Variants in ACTR3C observed in about 807,000 individuals in gnomAD.
The protein encoded by ACTR3C is actin related protein 3C.
ACTR3C carries 18 observed loss-of-function variants against 26.3 expected under a neutral mutation model. The ratio of observed to expected loss-of-function variants is 0.68; its 90% CI spans 0.47 to 1.01. The LOEUF (loss-of-function observed/expected upper bound fraction) is 1.01, where lower values mean the gene tolerates loss of function less well. Among genes scored for constraint, ACTR3C ranks in the 50% least tolerant of loss-of-function variants. The pLI, the probability that ACTR3C is intolerant of heterozygous loss-of-function variation, is 0.00. For missense variants in ACTR3C, 184 were observed against 250.7 expected (o/e 0.73, Z 1.80); for synonymous variants, 55 against 94.5 (o/e 0.58, Z 2.42).
At chr7:149,912,504 ATT>A in the ACTR3C span, among the ~76,000 whole-genome samples, 94 of 139,676 alleles carry the variant, frequency 6.7e-4, 1 homozygote, top group East Asian at 3.1e-3. Flanking sequence ...AGATATATTA[ATT>A]TTTTTTTTTT....
chr7:150,160,864 A>G, the ACTR3C span, among the ~76,000 whole-genome samples: 1 of 149,208 alleles, frequency 6.7e-6, no homozygotes, highest in South Asian at 2.2e-4. Context: ...TTATACATTA[A>G]TTACAGGAGT....
At chr7:149,906,482 A>T in the ACTR3C span, among the ~76,000 whole-genome samples, 37 of 123,038 alleles carry the variant, frequency 3.0e-4, no homozygotes, top group Admixed American at 3.9e-3. Flanking sequence ...CCCAGGCTGG[A>T]GTGCAGTGGT....
the ACTR3C span, among the ~76,000 whole-genome samples, chr7:150,231,047 ATCT>A: frequency 4.5e-4 from 69 of 151,750 alleles, no homozygotes; most frequent in Non-Finnish European, 3.2e-4. Context: ...TCAATTTTGG[ATCT>A]TCTTCTCTTA....
At chr7:150,116,637 A>G in the ACTR3C span, among the ~76,000 whole-genome samples, 4 of 152,210 alleles carry the variant, frequency 2.6e-5, no homozygotes, top group African/African-American at 9.6e-5. Flanking sequence ...ATTGTTTCTA[A>G]TCCTGGGATA....
chr7:150,165,040 T>C, the ACTR3C span, among the ~76,000 whole-genome samples: 2 of 152,210 alleles, frequency 1.3e-5, no homozygotes, highest in African/African-American at 4.8e-5. Context: ...TTAGGCAACG[T>C]GCAGAAATGG....
chr7:149,931,423 T>C, the ACTR3C span, among the ~76,000 whole-genome samples: 1 of 152,124 alleles, frequency 6.6e-6, no homozygotes, highest in Non-Finnish European at 1.5e-5. Flanking sequence ...CACTCTCTCA[T>C]CCTCTGAGAA....
the ACTR3C span, among the ~76,000 whole-genome samples, chr7:150,014,658 C>T: frequency 6.6e-6 from 1 of 151,748 alleles, no homozygotes; most frequent in Non-Finnish European, 1.5e-5. Flanking sequence ...CTGCCTCTGA[C>T]AGTGGAGGAA....
intron 1 of ACTR3C, among the ~76,000 whole-genome samples, chr7:150,305,482 C>T (rs1795740199): frequency 6.6e-6 from 1 of 152,184 alleles, no homozygotes; most frequent in African/African-American, 2.4e-5. Context: ...GCTGCCTGAC[C>T]TCCTCTCTCC....
At chr7:149,904,675 G>C in the ACTR3C span, among the ~76,000 whole-genome samples, 2 of 144,560 alleles carry the variant, frequency 1.4e-5, no homozygotes, top group African/African-American at 2.5e-5. Flanking sequence ...CAAATTTGAT[G>C]TCAAATTTTT....
chr7:150,139,633 T>A, the ACTR3C span, among the ~76,000 whole-genome samples: 1 of 152,398 alleles, frequency 6.6e-6, no homozygotes, highest in South Asian at 2.1e-4. Context: ...CAAAGCCTAA[T>A]AATCATAAAA....
At chr7:150,181,997 G>A in the ACTR3C span, among the ~76,000 whole-genome samples, 2 of 150,456 alleles carry the variant, frequency 1.3e-5, no homozygotes, top group Admixed American at 6.6e-5. Flanking sequence ...ACACTAGAAT[G>A]GACACAAAAA....
the ACTR3C span, among the ~76,000 whole-genome samples, chr7:150,199,736 A>AAAAAC: frequency 7.0e-6 from 1 of 143,440 alleles, no homozygotes; most frequent in African/African-American, 2.6e-5. Context: ...AAAAAAAAAA[A>AAAAAC]AAAAAAAAAA....
At chr7:149,957,130 T>C in the ACTR3C span, among the ~76,000 whole-genome samples, 1 of 152,052 alleles carries the variant, frequency 6.6e-6, no homozygotes, top group East Asian at 1.9e-4. Flanking sequence ...GGGCATGAAG[T>C]GGGAAGATAG....
chr7:150,113,855 AGTAG>A, the ACTR3C span, among the ~76,000 whole-genome samples: 1 of 152,222 alleles, frequency 6.6e-6, no homozygotes, highest in African/African-American at 2.4e-5. Flanking sequence ...TTATTTTATA[AGTAG>A]CCTCTTTTTT....
chr7:150,315,253 G>T lies in ACTR3C; in HGVS notation c.-52+8216C>A, dbSNP rs1325197517. ...TGACAAACTGAACTACATTAAAATCGAAATTCATTAAAATTGAACGTCATC... is the reference window on the plus strand; with the variant it reads ...TGACAAACTGAACTACATTAAAATCTAAATTCATTAAAATTGAACGTCATC... On this transcript the variant is annotated intron_variant, in intron 1 of 7. Transcript: ENST00000683684. Among the ~76,000 whole-genome samples the T allele has an allele frequency of 2.0e-5, 3 of 151,796 alleles. No individual in the cohort carries two copies. The East Asian group carries it at 5.8e-4, about 29-fold the overall frequency.
chr7:150,123,902 G>A, the ACTR3C span, among the ~76,000 whole-genome samples: 5 of 152,146 alleles, frequency 3.3e-5, no homozygotes, highest in Admixed American at 1.3e-4. Context: ...ACGGAGCCAC[G>A]TGGCAAGGCT....
the ACTR3C span, among the ~76,000 whole-genome samples, chr7:150,043,882 A>C: frequency 6.6e-6 from 1 of 152,244 alleles, no homozygotes; most frequent in South Asian, 2.1e-4. Context: ...TCCCAAGGAC[A>C]CATTAACAGA....
At chr7:149,900,804 G>A in the ACTR3C span, among the ~76,000 whole-genome samples, 11 of 152,172 alleles carry the variant, frequency 7.2e-5, no homozygotes, top group South Asian at 4.2e-4. Context: ...TTGGAAGGCC[G>A]AGGCAGGTGG....
the ACTR3C span, among the ~76,000 whole-genome samples, chr7:150,018,965 ATTG>A: frequency 2.7e-5 from 4 of 150,436 alleles, 1 homozygote; most frequent in African/African-American, 1.0e-4. Flanking sequence ...CGTAATATAA[ATTG>A]AGAAAACAAA....
Sources: gnomAD v4.1 joint callset for allele counts (sites outside exome capture counted in the v4.1 genomes callset) on GRCh38, gnomAD v4.1.1 for gene constraint, MANE v1.5 for transcripts, NCBI Gene and HGNC (gene_info 2026-07-23, HGNC 2026-07-21) for gene names.